TBCK: variants seen among roughly 807,000 people sequenced by gnomAD.
TBCK encodes the protein TBC1 domain containing kinase.
TBCK carries 99 observed loss-of-function variants against 113.4 expected under a neutral mutation model. The ratio of observed to expected loss-of-function variants is 0.87; its 90% CI spans 0.74 to 1.03. The LOEUF (loss-of-function observed/expected upper bound fraction) is 1.03, where lower values mean the gene tolerates loss of function less well. Among genes scored for constraint, TBCK ranks in the 50% least tolerant of loss-of-function variants. TBCK has a pLI of 0.00. For missense variants in TBCK, 1,045 were observed against 1,061.3 expected, an observed-to-expected ratio of 0.98 and a Z score of 0.21; for synonymous variants, 369 against 370.8, an observed-to-expected ratio of 1.00 and a Z score of 0.05.
At position 106,231,732 on chromosome 4, in the gene TBCK, C is replaced by A. The variant is rs1236424962; in HGVS notation, c.1687G>T (p.Glu563Ter). ...TTTAAATGTTAAAGAGGCTTACCTT[C>A]ATTATTGAAGTTTAGATATAGGAAT... ...APFLYLNFNN[E>*]ALAYACMSAF... is the part of the protein sequence containing the mutation. The change falls in exon 18 of 26, where the codon GAA becomes TAA. Residue 563 changes from glutamate to a stop codon, truncating the protein, a stop_gained. Coordinates refer to ENST00000394708, the MANE Select transcript of TBCK (RefSeq NM_001163435.3). LOFTEE classifies it high-confidence loss of function. 6.2e-7 allele frequency: 1 copy of A among 1,608,262 alleles called. No individual in the cohort carries two copies. Among genetic ancestry groups the A allele is most frequent in the Non-Finnish European group, 8.5e-7 (1 of 1,177,020 alleles).
At chr4:106,210,181 T>C (rs1755970780) in intron 20 of TBCK, among the ~76,000 whole-genome samples, 1 of 152,068 alleles carries the variant, frequency 6.6e-6, no homozygotes, top group Non-Finnish European at 1.5e-5. Flanking sequence ...ACAGATTTAC[T>C]AATAGCCTTA....
chr4:106,093,221 T>C (rs1390981771), intron 25 of TBCK, among the ~76,000 whole-genome samples: 1 of 152,166 alleles, frequency 6.6e-6, no homozygotes, highest in Non-Finnish European at 1.5e-5. Context: ...CAAAAGTTAA[T>C]CCTGGCCAGG....
At chr4:106,255,101 C>A in intron 5 of TBCK, 1 of 263,214 alleles carries the variant, frequency 3.8e-6, no homozygotes, top group Non-Finnish European at 7.7e-6. Flanking sequence ...AGAGAACTAA[C>A]ATCTTTACAA....
At chr4:106,107,905 A>G (rs1440673502) in intron 24 of TBCK, among the ~76,000 whole-genome samples, 1 of 152,176 alleles carries the variant, frequency 6.6e-6, no homozygotes, top group Non-Finnish European at 1.5e-5. Context: ...AAGAAAGAAG[A>G]TCCAAATAAA....
At position 106,123,493 on chromosome 4, in the gene TBCK, G is replaced by A. The variant is rs571464585; in HGVS notation, c.2236-7115C>T. Among the ~76,000 whole-genome samples, 4 of 152,226 alleles carry A rather than the reference G, an allele frequency of 2.6e-5. No individual in the cohort carries two copies. In the East Asian group the frequency reaches 7.7e-4, roughly 29 times the overall value. On this transcript the variant is annotated intron_variant, in intron 23 of 25. Transcript: ENST00000394708. ...ATGCCATCCCCATAAAGCTACCAATGACTTTCTTCACAGAATTGGAAAAAA... is the reference window on the plus strand; with the variant it reads ...ATGCCATCCCCATAAAGCTACCAATAACTTTCTTCACAGAATTGGAAAAAA...
intron 23 of TBCK, among the ~76,000 whole-genome samples, chr4:106,157,135 G>A (rs1293588648): frequency 6.6e-6 from 1 of 152,076 alleles, no homozygotes; most frequent in South Asian, 2.1e-4. Flanking sequence ...GTCTAGAAAT[G>A]TCTGGGAGCT....
intron 23 of TBCK, among the ~76,000 whole-genome samples, chr4:106,168,929 C>T (rs1353650221): frequency 6.6e-6 from 1 of 151,722 alleles, no homozygotes; most frequent in African/African-American, 2.4e-5. Context: ...CAAAATGTTC[C>T]AAAATCGGAA....
At chr4:106,094,176 T>A (rs1272520012) in intron 25 of TBCK, among the ~76,000 whole-genome samples, 1 of 152,206 alleles carries the variant, frequency 6.6e-6, no homozygotes, top group African/African-American at 2.4e-5. Flanking sequence ...ACATGTTGTT[T>A]TCATGGACTT....
chr4:106,114,648 G>T (rs1489558006), intron 24 of TBCK, among the ~76,000 whole-genome samples: 1 of 152,100 alleles, frequency 6.6e-6, no homozygotes, highest in Non-Finnish European at 1.5e-5. Context: ...TTCGGCCAGG[G>T]TCTGCAGATT....
At chr4:106,166,545 A>G (rs1750391000) in intron 23 of TBCK, among the ~76,000 whole-genome samples, 1 of 151,790 alleles carries the variant, frequency 6.6e-6, no homozygotes, top group Non-Finnish European at 1.5e-5. Flanking sequence ...GCTGAGGTTT[A>G]GGGTGATTCC....
intron 20 of TBCK, among the ~76,000 whole-genome samples, chr4:106,205,443 T>C (rs1027799559): frequency 6.6e-6 from 1 of 151,830 alleles, no homozygotes; most frequent in African/African-American, 2.4e-5. Context: ...ACATAGCAAC[T>C]AGCTTTAAGA....
chr4:106,200,284 C>T (rs1477678387), intron 20 of TBCK, among the ~76,000 whole-genome samples: 1 of 152,206 alleles, frequency 6.6e-6, no homozygotes, highest in African/African-American at 2.4e-5. Context: ...CTCATTCCCA[C>T]AATCTCAGCA....
At chr4:106,049,216 G>A (rs1014944829) in intron 25 of TBCK, among the ~76,000 whole-genome samples, 1 of 152,028 alleles carries the variant, frequency 6.6e-6, no homozygotes, top group Non-Finnish European at 1.5e-5. Flanking sequence ...TAGGTACCAG[G>A]CACTGTTCCA....
intron 3 of TBCK, among the ~76,000 whole-genome samples, chr4:106,274,389 C>A (rs919305135): frequency 6.6e-6 from 1 of 152,032 alleles, no homozygotes; most frequent in African/African-American, 2.4e-5. Context: ...ATGTTCATGG[C>A]AAAATTAGTC....
At chr4:106,168,045 C>T (rs1750591436) in intron 23 of TBCK, among the ~76,000 whole-genome samples, 1 of 151,702 alleles carries the variant, frequency 6.6e-6, no homozygotes, top group South Asian at 2.1e-4. Flanking sequence ...TAGACAAAGA[C>T]ATTACAAGAA....
At chr4:106,313,381 GA>G (rs937670526) in intron 1 of TBCK, among the ~76,000 whole-genome samples, 33 of 143,198 alleles carry the variant, frequency 2.3e-4, no homozygotes, top group South Asian at 2.2e-4. Flanking sequence ...CAAAAAAAAG[GA>G]AAAAAAAAAA....
intron 20 of TBCK, among the ~76,000 whole-genome samples, chr4:106,210,901 CTTAATA>C (rs1756053145): frequency 6.6e-6 from 1 of 152,074 alleles, no homozygotes; most frequent in South Asian, 2.1e-4. Context: ...TGTTTCCTTT[CTTAATA>C]TTATCTCTGT....
At chr4:106,106,346 T>A (rs1267793994) in intron 24 of TBCK, among the ~76,000 whole-genome samples, 1 of 152,138 alleles carries the variant, frequency 6.6e-6, no homozygotes, top group Non-Finnish European at 1.5e-5. Context: ...ATTGTCAAAT[T>A]TTCCAAGGTC....
chr4:106,093,689 G>T (rs890533706), intron 25 of TBCK, among the ~76,000 whole-genome samples: 11 of 152,140 alleles, frequency 7.2e-5, no homozygotes, highest in Admixed American at 2.0e-4. Flanking sequence ...GCTGGAGGGT[G>T]GGAGGAGGAA....
Sources: gnomAD v4.1 joint callset for allele counts (sites outside exome capture counted in the v4.1 genomes callset) on GRCh38, gnomAD v4.1.1 for gene constraint, MANE v1.5 for transcripts, NCBI Gene and HGNC (gene_info 2026-07-23, HGNC 2026-07-21) for gene names.